The following FAM227A variants were observed in gnomAD, a reference collection of about 807,000 sequenced individuals.
FAM227A encodes the protein family with sequence similarity 227 member A, also known as protein FAM227A.
A neutral mutation model predicts 74.7 loss-of-function variants in FAM227A; 80 were observed. The ratio of observed to expected loss-of-function variants is 1.07; its 90% CI spans 0.89 to 1.29. The LOEUF is 1.29. Ranked by LOEUF, FAM227A falls within the 50% of genes most tolerant of loss-of-function variation. The pLI, the probability that FAM227A is intolerant of heterozygous loss-of-function variation, is 0.00. For missense variants in FAM227A, 654 were observed against 683.4 expected, an observed-to-expected ratio of 0.96 and a Z score of 0.48; for synonymous variants, 237 against 241.8, an observed-to-expected ratio of 0.98 and a Z score of 0.19.
intron 16 of FAM227A, among the ~76,000 whole-genome samples, chr22:38,587,174 A>G (rs5995595): frequency 0.023 from 3,499 of 152,332 alleles, 128 homozygotes; most frequent in African/African-American, 0.08. Context: ...AAAAACAAGA[A>G]ACATCTCAAA....
At chr22:38,629,657 G>A (rs975371139) in intron 6 of FAM227A, among the ~76,000 whole-genome samples, 2 of 152,166 alleles carry the variant, frequency 1.3e-5, no homozygotes, top group Admixed American at 1.3e-4. Context: ...CTCACACACA[G>A]GTGCCTCTCC....
intron 6 of FAM227A, 162 bp from the exon 7 acceptor site, chr22:38,629,097 T>A (rs760611961): frequency 1.8e-6 from 1 of 552,668 alleles, no homozygotes; most frequent in Non-Finnish European, 3.2e-6. Context: ...AATAGTCTTA[T>A]GAGGAATACA....
chr22:38,598,561 A>G (rs1377747277), intron 14 of FAM227A, among the ~76,000 whole-genome samples: 1 of 152,214 alleles, frequency 6.6e-6, no homozygotes, highest in Non-Finnish European at 1.5e-5. Context: ...TAGAACATGT[A>G]AATAAGTTTG....
At chr22:38,643,836 T>C (rs986869580) in intron 3 of FAM227A, among the ~76,000 whole-genome samples, 7 of 152,056 alleles carry the variant, frequency 4.6e-5, no homozygotes, top group Admixed American at 1.3e-4. Context: ...TATCAAGCCA[T>C]GAAAAGATGG....
rs768176964 is a variant in FAM227A, at chr22:38,645,580, G to A, written c.208C>T (p.Pro70Ser). The A allele has an allele frequency of 6.4e-7, 1 of 1,551,212 alleles. No individual in the cohort carries two copies. Among genetic ancestry groups the A allele is most frequent in the South Asian group, 1.2e-5 (1 of 84,024 alleles). The change falls in exon 3 of 17, where the codon CCG (proline) becomes TCG (serine). Residue 70 changes from proline (P) to serine (S), a missense_variant. Coordinates refer to ENST00000535113, the MANE Select transcript of FAM227A (RefSeq NM_001013647.2). ...KIADINLRTEPSANSLAIERF... is the reference protein window; with the variant it reads ...KIADINLRTESSANSLAIERF... ...TAACTCACCAGGCTGTTGGCCGACG[G>A]CTCGGTACGCAGATTTATGTCAGCA...
intron 2 of FAM227A, among the ~76,000 whole-genome samples, chr22:38,649,007 C>T (rs2092285321): frequency 6.6e-6 from 1 of 151,646 alleles, no homozygotes; most frequent in Non-Finnish European, 1.5e-5. Flanking sequence ...GTTTCATGCT[C>T]ATCTGTCTGA....
At chr22:38,638,903 T>C (rs2092056671) in intron 4 of FAM227A, 81 bp from the exon 5 acceptor site, 1 of 881,074 alleles carries the variant, frequency 1.1e-6, no homozygotes, top group Admixed American at 3.1e-5. Flanking sequence ...CTGTGCTTTT[T>C]CATTCCACTT....
intron 3 of FAM227A, among the ~76,000 whole-genome samples, chr22:38,640,788 G>C (rs2092099206): frequency 6.6e-6 from 1 of 152,130 alleles, no homozygotes; most frequent in Admixed American, 6.6e-5. Flanking sequence ...GGTGGCATCA[G>C]GCTCCTGAGC....
intron 6 of FAM227A, among the ~76,000 whole-genome samples, chr22:38,631,580 T>C (rs1287621384): frequency 6.6e-6 from 1 of 152,142 alleles, no homozygotes; most frequent in East Asian, 1.9e-4. Context: ...AAGGGAGAGC[T>C]GAGAGCTCCT....
chr22:38,613,147 T>C (rs1367311951), intron 11 of FAM227A, among the ~76,000 whole-genome samples: 1 of 88,366 alleles, frequency 1.1e-5, no homozygotes, highest in African/African-American at 4.9e-5. Context: ...ATATATATAT[T>C]ATATATTATA....
At position 38,652,012 on chromosome 22, in the gene FAM227A, C is replaced by T. The variant is rs777949369; in HGVS notation, c.-94-1750G>A. On this transcript the variant is annotated intron_variant, in intron 1 of 16. Coordinates refer to ENST00000535113, the MANE Select transcript of FAM227A (RefSeq NM_001013647.2). The stretch of plus-strand genomic sequence containing the variant: ...GACCAGCCTGGCCAACGTGGTGAAA[C>T]GCCATCTCTACTAAAATACAAAAAT... Among the ~76,000 whole-genome samples the T allele has an allele frequency of 4.6e-5, 7 of 151,326 alleles. 1 individual carries two copies. Among genetic ancestry groups the T allele is most frequent in the Admixed American group, 1.3e-4 (2 of 15,152 alleles).
chr22:38,583,218 G>C lies in FAM227A; in HGVS notation c.*2907C>G. On this transcript the variant is annotated 3_prime_UTR_variant, in exon 17 of 17. Transcript: ENST00000535113. ...ATGGAGTTTCACTCTTGTTACCCAG[G>C]CTGGAGTGCAATGGTGCAATCTCAG... is the stretch of plus-strand genomic sequence containing the variant. The C allele has an allele frequency of 6.2e-6, 2 of 322,136 alleles. No individual in the cohort carries two copies. The highest frequency in any genetic ancestry group is 6.6e-5 in the South Asian group (2 of 30,076). 20.0% of individuals were successfully genotyped at this position (322,136 alleles called of 1,614,324 possible). A position where few individuals can be genotyped will look rare whatever the true frequency, so the allele number is the denominator to read the frequency against.
In FAM227A at chr22:38,586,196, C is replaced by A. The variant is rs1347069425; in HGVS notation, c.1642G>T (p.Gly548Trp). Residue 548 changes from glycine to tryptophan, a missense_variant, in exon 17 of 17, where the codon GGG (glycine) becomes TGG (tryptophan). Coordinates refer to ENST00000535113, the MANE Select transcript of FAM227A (RefSeq NM_001013647.2). Reference protein sequence around the residue: ...EESPDKKTKEGKGGEGKRRET... With the variant: ...EESPDKKTKEWKGGEGKRRET... ...CTTCTCTTTCCCTCTCCTCCTTTCC[C>A]CTCCTGTGGGGGAAACAAACGAACA... is the stretch of plus-strand genomic sequence containing the variant. 1.3e-6 allele frequency: 2 copies of A among 1,549,684 alleles called. No individual in the cohort carries two copies. The highest frequency in any genetic ancestry group is 2.7e-5 in the African/African-American group (2 of 72,906).
chr22:38,599,821 A>C lies in FAM227A; in HGVS notation c.1322T>G (p.Leu441Arg). 3 of 1,551,580 alleles carry C rather than the reference A, an allele frequency of 1.9e-6. No homozygotes were observed. The highest frequency in any genetic ancestry group is 2.6e-6 in the Non-Finnish European group (3 of 1,146,932). ...IVYFLQNYAS[L>R]QQHGKNVLIV... ...CAACACATTCTTGCCGTGCTGCTGC[A>C]GACTGGCATAGTTCTGGAGAAAGTA... Residue 441 changes from leucine to arginine, a missense_variant, in exon 14 of 17, where the codon CTG (leucine) becomes CGG (arginine). Physicochemically the swap from Leu to Arg is moderately radical, Grantham distance 102. Transcript: ENST00000535113.
At chr22:38,589,629 A>T (rs2090888779) in intron 16 of FAM227A, among the ~76,000 whole-genome samples, 1 of 152,224 alleles carries the variant, frequency 6.6e-6, no homozygotes, top group Non-Finnish European at 1.5e-5. Flanking sequence ...GATACTAAGA[A>T]TGAAGACAAT....
intron 13 of FAM227A, among the ~76,000 whole-genome samples, 198 bp downstream of exon 13, chr22:38,605,056 A>T (rs1434315239): frequency 6.6e-6 from 1 of 152,156 alleles, no homozygotes; most frequent in African/African-American, 2.4e-5. Context: ...CACTTTGCTC[A>T]TTAATAAACT....
In FAM227A at chr22:38,623,396, C is replaced by T. The variant is rs775121247; in HGVS notation, c.851-117G>A. On this transcript the variant is annotated intron_variant, in intron 9 of 16. Transcript: ENST00000535113. ...CTTGAGCCCAGGAGACCAGCCTAGG[C>T]AACATAGTGGGACTCCGTCTCTATT... 1.3e-3 allele frequency: 805 copies of T among 626,722 alleles called. 3 individuals are homozygous for T. Among genetic ancestry groups the T allele is most frequent in the Admixed American group, 2.2e-3 (77 of 35,690 alleles). The allele number at this position is 626,722 out of a possible 1,614,324, so 38.8% of individuals were successfully genotyped here.
At chr22:38,632,445 C>A (rs2091932264) in intron 6 of FAM227A, among the ~76,000 whole-genome samples, 1 of 152,174 alleles carries the variant, frequency 6.6e-6, no homozygotes, top group African/African-American at 2.4e-5. Flanking sequence ...CTTCCATCTT[C>A]TACCATGGGA....
intron 6 of FAM227A, among the ~76,000 whole-genome samples, chr22:38,629,598 T>C (rs139553453): frequency 1.5e-3 from 231 of 152,398 alleles, no homozygotes; most frequent in Non-Finnish European, 2.6e-3. Flanking sequence ...CATTCTTGCC[T>C]GAGCTTACAT....
Sources: allele counts gnomAD v4.1 joint callset (sites outside exome capture counted in the v4.1 genomes callset), GRCh38; gene constraint gnomAD v4.1.1; transcripts MANE v1.5; gene names NCBI Gene and HGNC (gene_info 2026-07-23, HGNC 2026-07-21).